VIPAS39: variants seen among roughly 807,000 people sequenced by gnomAD.
The protein encoded by VIPAS39 is VPS33B interacting protein, apical-basolateral polarity regulator, spe-39 homolog.
VIPAS39 carries 63 observed loss-of-function variants against 84.7 expected under a neutral mutation model. That is an observed-to-expected ratio of 0.74 (90% CI 0.61 to 0.92). The LOEUF is 0.92. VIPAS39 is among the 40% of genes least tolerant of loss of function. VIPAS39 has a pLI of 0.00. For synonymous variants in VIPAS39, 192 were observed against 216.5 expected (o/e 0.89, Z 0.99); for missense variants, 499 against 604.5 (o/e 0.83, Z 1.83).
In VIPAS39 at chr14:77,442,990, C is replaced by G. The variant is rs72683213; in HGVS notation, c.631+129G>C. 6,218 of 1,273,304 alleles carry G rather than the reference C, an allele frequency of 4.9e-3. 30 individuals are homozygous for G. Among genetic ancestry groups the G allele is most frequent in the Middle Eastern group, 8.1e-3 (44 of 5,414 alleles). 78.9% of individuals were successfully genotyped at this position (1,273,304 alleles called of 1,614,324 possible). A position where few individuals can be genotyped will look rare whatever the true frequency, so the allele number is the denominator to read the frequency against. ...AGAGATGTGATTTGTGCTCTGAAGT[C>G]TCAGGCCACCCCACTTGTCTCTGAA... On this transcript the variant is annotated intron_variant, in intron 9 of 19. Transcript: ENST00000557658.
rs533211249 is a variant in VIPAS39 at position 77,445,132 on chromosome 14, T to A, written c.505-791A>T. Among the ~76,000 whole-genome samples, 8 of 151,710 alleles carry A rather than the reference T, an allele frequency of 5.3e-5. No individual in the cohort carries two copies. The East Asian group carries it at 1.6e-3, about 30-fold the overall frequency. On this transcript the variant is annotated intron_variant, in intron 7 of 19. Coordinates refer to ENST00000557658, the MANE Select transcript of VIPAS39 (RefSeq NM_001193315.2). Reference sequence around the variant, plus strand: ...TGCCACCACACCCGGCTAATTTTTTTGTATTTTTAGTAGAGACAGGGTTTC... The same window carrying A: ...TGCCACCACACCCGGCTAATTTTTTAGTATTTTTAGTAGAGACAGGGTTTC...
chr14:77,436,052 C>T (rs1394495026), intron 12 of VIPAS39, 133 bp from the exon 13 acceptor site: 5 of 868,084 alleles, frequency 5.8e-6, no homozygotes, highest in Admixed American at 3.8e-5. Context: ...ACCTTTAGAG[C>T]GTCCCTTAAA....
chr14:77,453,453 T>G, intron 2 of VIPAS39, 52 bp from the exon 3 acceptor site: 2 of 1,548,618 alleles, frequency 1.3e-6, no homozygotes, highest in South Asian at 2.2e-5. Flanking sequence ...ATTTCCCACC[T>G]CTCTTCTGAC....
chr14:77,437,420 A>C (rs1235203437), intron 12 of VIPAS39, among the ~76,000 whole-genome samples: 2 of 152,170 alleles, frequency 1.3e-5, no homozygotes, highest in Non-Finnish European at 2.9e-5. Flanking sequence ...AACACTGAAA[A>C]AATGCATCAG....
rs1379204328 is a variant in VIPAS39, at chr14:77,437,812, C to T, written c.832G>A (p.Val278Ile). The stretch of plus-strand genomic sequence containing the variant: ...TCATTTTTCCCCCATACTTACCCAA[C>T]ACAGGTTTTAAGAAATTCTTTTCGT... ...DKRKEFLKTC[V>I]GLPFSAEDSA... The change falls in exon 12 of 20, where the codon GTT becomes ATT. Residue 278 changes from valine (V) to isoleucine (I), a missense_variant. Transcript: ENST00000557658. The T allele has an allele frequency of 1.2e-6, 2 of 1,614,012 alleles. No homozygotes were observed. The highest frequency in any genetic ancestry group is 1.1e-5 in the South Asian group (1 of 91,074).
Position 77,440,998 on chromosome 14 carries a change from G to A in VIPAS39, c.762+68C>T, listed in dbSNP as rs371299922. The A allele has an allele frequency of 1.6e-4, 253 of 1,592,690 alleles. No homozygotes were observed. In the African/African-American group the frequency reaches 2.6e-3, roughly 16 times the overall value. ...CTCCCAAAGTGCTGGGATTACAGGC[G>A]TGAGCCACTGTGCCCAGCCTAGATT... is the stretch of plus-strand genomic sequence containing the variant. On this transcript the variant is annotated intron_variant, in intron 11 of 19. Transcript: ENST00000557658.
At chr14:77,444,393 C>G in intron 7 of VIPAS39, 52 bp from the exon 8 acceptor site, 1 of 1,500,792 alleles carries the variant, frequency 6.7e-7, no homozygotes. Flanking sequence ...TTCTTTATTC[C>G]TTTGTTGCTG....
At chr14:77,445,705 A>C (rs2078777543) in intron 7 of VIPAS39, among the ~76,000 whole-genome samples, 1 of 152,134 alleles carries the variant, frequency 6.6e-6, no homozygotes, top group Admixed American at 6.5e-5. Flanking sequence ...TTGGGAGGCC[A>C]AGGCAGGCAG....
chr14:77,433,978 C>A (rs1247134661), intron 15 of VIPAS39, 47 bp from the exon 16 acceptor site: 1 of 1,564,972 alleles, frequency 6.4e-7, no homozygotes. Flanking sequence ...AGAAATACAT[C>A]AATGGGGGTG....
chr14:77,431,963 A>C (rs59303810), intron 16 of VIPAS39, among the ~76,000 whole-genome samples: 23,470 of 152,216 alleles, frequency 0.15, 1,889 homozygotes, highest in Middle Eastern at 0.22. Context: ...ATTGACAAAC[A>C]AATGGATACA....
At chr14:77,439,316 T>A (rs2078663825) in intron 11 of VIPAS39, among the ~76,000 whole-genome samples, 1 of 152,210 alleles carries the variant, frequency 6.6e-6, no homozygotes, top group Non-Finnish European at 1.5e-5. Context: ...AAAAACTTTA[T>A]AAGAATGCTG....
chr14:77,441,016 C>A, intron 11 of VIPAS39, 50 bp downstream of exon 11: 2 of 1,609,140 alleles, frequency 1.2e-6, no homozygotes, highest in Non-Finnish European at 1.7e-6. Flanking sequence ...CTGTGCCCAG[C>A]CTAGATTTCT....
chr14:77,442,872 G>A (rs776749669), intron 9 of VIPAS39, among the ~76,000 whole-genome samples: 51 of 152,136 alleles, frequency 3.4e-4, no homozygotes, highest in Non-Finnish European at 4.9e-4. Context: ...CCAAACAGCA[G>A]GCACTTAGCA....
chr14:77,434,004 A>G (rs2078565800), intron 15 of VIPAS39, 73 bp from the exon 16 acceptor site: 2 of 1,494,004 alleles, frequency 1.3e-6, no homozygotes, highest in African/African-American at 2.8e-5. Context: ...GAATTTTAGA[A>G]AAGACAGACA....
rs192972623 is a variant in VIPAS39 at position 77,431,210 on chromosome 14, G to A, written c.1180-1443C>T. On this transcript the variant is annotated intron_variant, in intron 16 of 19. Transcript: ENST00000557658. ...GGATTACATCAAACTAAAAAGCTGC[G>A]CATGGCAAAGGAAACAATCAAAATG... Among the ~76,000 whole-genome samples the A allele has an allele frequency of 1.4e-4, 22 of 152,256 alleles. No individual in the cohort carries two copies. In the East Asian group the frequency reaches 1.5e-3, roughly 11 times the overall value.
chr14:77,450,160 C>T (rs2078859932), intron 4 of VIPAS39, among the ~76,000 whole-genome samples: 1 of 152,182 alleles, frequency 6.6e-6, no homozygotes, highest in African/African-American at 2.4e-5. Flanking sequence ...TTGGTAACCA[C>T]CATTCTACTT....
chr14:77,449,573 C>G (rs1431361588), intron 5 of VIPAS39, 141 bp downstream of exon 5: 4 of 1,304,046 alleles, frequency 3.1e-6, no homozygotes, highest in African/African-American at 1.5e-5. Flanking sequence ...TAGTCAGTAT[C>G]AGAAAATTCC....
chr14:77,455,848 T>C lies in VIPAS39; in HGVS notation c.-1+1647A>G, dbSNP rs144810233. 7.0e-3 allele frequency among the ~76,000 whole-genome samples: 1,059 copies of C among 152,318 alleles called. 19 individuals are homozygous for C. Among genetic ancestry groups the C allele is most frequent in the South Asian group, 0.037 (177 of 4,830 alleles). On this transcript the variant is annotated intron_variant, in intron 1 of 19. Coordinates refer to ENST00000557658, the MANE Select transcript of VIPAS39 (RefSeq NM_001193315.2). ...CTCACGGCAGACATCACTAATTGATTTCTACTGGTACAGGGTTGTTTAAAA... is the reference window on the plus strand; with the variant it reads ...CTCACGGCAGACATCACTAATTGATCTCTACTGGTACAGGGTTGTTTAAAA...
intron 10 of VIPAS39, among the ~76,000 whole-genome samples, chr14:77,442,276 A>G (rs138954179): frequency 6.6e-6 from 1 of 152,306 alleles, no homozygotes; most frequent in East Asian, 1.9e-4. Flanking sequence ...TGAAAAACTC[A>G]TGAAGAGGGT....
Sources: allele counts gnomAD v4.1 joint callset (sites outside exome capture counted in the v4.1 genomes callset), GRCh38; gene constraint gnomAD v4.1.1; transcripts MANE v1.5; gene names NCBI Gene and HGNC (gene_info 2026-07-23, HGNC 2026-07-21).